GIGYF2: variants seen among roughly 807,000 people sequenced by gnomAD.
GIGYF2 encodes GRB10-interacting GYF protein 2.
In GIGYF2, 25 loss-of-function variants were observed where a neutral mutation model predicts 208.1. The observed-to-expected ratio is 0.12, with a 90% CI of 0.09 to 0.17. GIGYF2 has a LOEUF of 0.17. Ranked by LOEUF, GIGYF2 falls within the 10% of genes least tolerant of loss-of-function variation. The probability of loss-of-function intolerance (pLI) is 1.00; values close to 1 mark genes in which losing one functional copy is unlikely to be tolerated. For missense variants in GIGYF2, 1,302 were observed against 1,579.4 expected (o/e 0.82, Z 2.98); for synonymous variants, 534 against 543.8 (o/e 0.98, Z 0.25).
At chr2:232,724,279 A>G (rs1697090106) in intron 2 of GIGYF2, among the ~76,000 whole-genome samples, 1 of 139,026 alleles carries the variant, frequency 7.2e-6, no homozygotes, top group Non-Finnish European at 1.5e-5. Flanking sequence ...GCTGGTCTTG[A>G]ACACCTGACC....
chr2:232,734,933 C>T (rs569461278), intron 2 of GIGYF2, among the ~76,000 whole-genome samples: 18 of 152,242 alleles, frequency 1.2e-4, no homozygotes, highest in Admixed American at 7.8e-4. Context: ...TGCCTCCTTA[C>T]CCCAGATTAA....
intron 8 of GIGYF2, among the ~76,000 whole-genome samples, chr2:232,775,072 T>A (rs570221557): frequency 6.6e-6 from 1 of 152,304 alleles, no homozygotes; most frequent in South Asian, 2.1e-4. Context: ...GCATTTTTTT[T>A]TTTTTAACCT....
At chr2:232,846,669 CCA>C (rs1386968417) in intron 26 of GIGYF2, among the ~76,000 whole-genome samples, 1 of 79,536 alleles carries the variant, frequency 1.3e-5, no homozygotes, top group Non-Finnish European at 2.6e-5. Flanking sequence ...TAAGCACCTA[CCA>C]TGTGTGCTAG....
Position 232,844,231 on chromosome 2 carries a change from A to G in GIGYF2, c.3075A>G (p.Gln1025=), listed in dbSNP as rs1225178333. 2 of 1,569,300 alleles carry G rather than the reference A, an allele frequency of 1.3e-6. No individual in the cohort carries two copies. The highest frequency in any genetic ancestry group is 1.7e-6 in the Non-Finnish European group (2 of 1,155,808). The stretch of plus-strand genomic sequence containing the variant: ...AGCAGCAGCAGCAGCAACACCAGCA[A>G]CCAAACAGAGCTCGTAACAATACGG... ...KQQQQQQQHQ[Q]PNRARNNTHS... Residue 1025 remains glutamine, a synonymous_variant, in exon 24 of 29, where the codon CAA becomes CAG. Coordinates refer to ENST00000373563, the MANE Select transcript of GIGYF2 (RefSeq NM_001103146.3).
At chr2:232,773,387 A>G (rs965783469) in intron 8 of GIGYF2, among the ~76,000 whole-genome samples, 12 of 152,236 alleles carry the variant, frequency 7.9e-5, no homozygotes, top group African/African-American at 2.2e-4. Flanking sequence ...GCTCAGACAG[A>G]TAAAAGAAAT....
chr2:232,769,346 C>T (rs899202004), intron 8 of GIGYF2, among the ~76,000 whole-genome samples: 1 of 151,950 alleles, frequency 6.6e-6, no homozygotes, highest in Non-Finnish European at 1.5e-5. Flanking sequence ...GCCTGGCCAA[C>T]ATCATGAAAC....
Position 232,820,048 on chromosome 2 carries a change from T to C in GIGYF2, c.2529+63T>C, listed in dbSNP as rs1049627534. 9.4e-6 allele frequency: 15 copies of C among 1,590,528 alleles called. No individual in the cohort carries two copies. In the African/African-American group the frequency reaches 1.5e-4, roughly 16 times the overall value. Reference sequence around the variant, plus strand: ...AGCTGGGAATTAGTGATTTAGAAAATATTAGGACATTAAGGTAGCCTATCT... The same window carrying C: ...AGCTGGGAATTAGTGATTTAGAAAACATTAGGACATTAAGGTAGCCTATCT... On this transcript the variant is annotated intron_variant, in intron 21 of 28. Transcript: ENST00000373563.
At chr2:232,709,732 C>G (rs1696293445) in intron 2 of GIGYF2, among the ~76,000 whole-genome samples, 1 of 151,718 alleles carries the variant, frequency 6.6e-6, no homozygotes, top group African/African-American at 2.4e-5. Flanking sequence ...TCCCTTGAAC[C>G]CGGGAGGCAG....
chr2:232,738,052 G>T (rs913963075), intron 3 of GIGYF2, among the ~76,000 whole-genome samples: 4 of 151,630 alleles, frequency 2.6e-5, no homozygotes, highest in Admixed American at 6.6e-5. Context: ...GAGTAGCTGA[G>T]ATTACAGGCA....
At position 232,703,342 on chromosome 2, in the gene GIGYF2, A is replaced by G. The variant is rs371901432; in HGVS notation, c.-109-82A>G. ...GTTTGGAAGCCATTTTCTGCAAAGT[A>G]TATTTATGATGAAAGATTGTACTTT... On this transcript the variant is annotated intron_variant, in intron 1 of 28. Transcript: ENST00000373563. 1.0e-4 allele frequency: 16 copies of G among 152,772 alleles called. No homozygotes were observed. In the East Asian group the frequency reaches 1.9e-3, roughly 18 times the overall value. The allele number at this position is 152,772 out of a possible 1,614,324, so 9.5% of individuals were successfully genotyped here. A position where few individuals can be genotyped will look rare whatever the true frequency, so the allele number is the denominator to read the frequency against.
At chr2:232,704,084 G>T (rs1695975687) in intron 2 of GIGYF2, among the ~76,000 whole-genome samples, 1 of 152,094 alleles carries the variant, frequency 6.6e-6, no homozygotes. Context: ...ACTTGGTTCG[G>T]TTCTTTGTCA....
At chr2:232,801,302 G>C (rs978029374) in intron 14 of GIGYF2, among the ~76,000 whole-genome samples, 10 of 152,012 alleles carry the variant, frequency 6.6e-5, no homozygotes, top group Non-Finnish European at 1.2e-4. Context: ...TCTGAGGCGG[G>C]AGGATCACTT....
In GIGYF2 at chr2:232,833,991, A is replaced by G. The variant is rs543911714; in HGVS notation, c.2766+898A>G. Among the ~76,000 whole-genome samples, 4 of 152,150 alleles carry G rather than the reference A, an allele frequency of 2.6e-5. No homozygotes were observed. The South Asian group carries it at 8.3e-4, about 32-fold the overall frequency. On this transcript the variant is annotated intron_variant, in intron 22 of 28. Transcript: ENST00000373563. ...AGGCCAGCAGGAGGGAGCTGGCCTG[A>G]TAGCAGTCAGCAAGAATTAATTAGT...
chr2:232,718,709 T>C (rs1285792394), intron 2 of GIGYF2, among the ~76,000 whole-genome samples: 1 of 152,246 alleles, frequency 6.6e-6, no homozygotes, highest in African/African-American at 2.4e-5. Flanking sequence ...TTGTGTTATC[T>C]TAATCCAGAT....
rs183130211 is a variant in GIGYF2, at chr2:232,710,131, T to C, written c.-44+6642T>C. 8.8e-3 allele frequency among the ~76,000 whole-genome samples: 1,330 copies of C among 151,916 alleles called. 35 individuals carry two copies. Among genetic ancestry groups the C allele is most frequent in the Admixed American group, 0.055 (842 of 15,236 alleles). ...CCCGCCACCATGCCCAGCTAATTTT[T>C]TGTATTTTTAGTAGAGATGGGGTTT... is the stretch of plus-strand genomic sequence containing the variant. On this transcript the variant is annotated intron_variant, in intron 2 of 28. Coordinates refer to ENST00000373563, the MANE Select transcript of GIGYF2 (RefSeq NM_001103146.3).
At chr2:232,788,596 T>C (rs1010786693) in intron 9 of GIGYF2, 2 of 470,424 alleles carry the variant, frequency 4.3e-6, no homozygotes, top group Non-Finnish European at 8.8e-6. Flanking sequence ...ACAAGGTGAA[T>C]GTTTTGGAAG....
chr2:232,853,400 C>T (rs897958629), intron 28 of GIGYF2, among the ~76,000 whole-genome samples: 1 of 152,218 alleles, frequency 6.6e-6, no homozygotes, highest in African/African-American at 2.4e-5. Flanking sequence ...GCCTCAGCCT[C>T]CCGAGTGCTG....
intron 14 of GIGYF2, among the ~76,000 whole-genome samples, chr2:232,799,158 A>G (rs79349968): frequency 0.031 from 4,728 of 152,160 alleles, 256 homozygotes; most frequent in African/African-American, 0.11. Context: ...AGACTGAATA[A>G]TATTCCCCTG....
intron 6 of GIGYF2, among the ~76,000 whole-genome samples, chr2:232,757,358 A>G (rs974243995): frequency 6.8e-6 from 1 of 148,024 alleles, no homozygotes; most frequent in African/African-American, 2.5e-5. Context: ...TTTAGAGAAT[A>G]TTTTTTTTTT....
Sources: allele counts gnomAD v4.1 joint callset (sites outside exome capture counted in the v4.1 genomes callset), GRCh38; gene constraint gnomAD v4.1.1; transcripts MANE v1.5; gene names NCBI Gene and HGNC (gene_info 2026-07-23, HGNC 2026-07-21).